Variants in GRID1 observed in about 807,000 individuals in gnomAD.
The protein encoded by GRID1 is glutamate ionotropic receptor delta type subunit 1, also known as glutamate receptor ionotropic, delta-1.
A neutral mutation model predicts 98.0 loss-of-function variants in GRID1; 28 were observed. The observed-to-expected ratio is 0.29, with a 90% CI of 0.21 to 0.39. The LOEUF (loss-of-function observed/expected upper bound fraction) is 0.39, where lower values mean the gene tolerates loss of function less well. Ranked by LOEUF, GRID1 falls within the 10% of genes least tolerant of loss-of-function variation. The pLI is 1.00. For synonymous variants in GRID1, 553 were observed against 538.5 expected (o/e 1.03, Z -0.37); for missense variants, 1,111 against 1,340.5 (o/e 0.83, Z 2.67).
chr10:86,233,749 C>A (rs933351850), intron 2 of GRID1, among the ~76,000 whole-genome samples: 3 of 152,096 alleles, frequency 2.0e-5, no homozygotes, highest in African/African-American at 7.2e-5. Context: ...ATCTCAGACA[C>A]CCAACCCCTG....
At chr10:85,929,101 G>A (rs933090887) in intron 4 of GRID1, among the ~76,000 whole-genome samples, 1 of 152,192 alleles carries the variant, frequency 6.6e-6, no homozygotes, top group Non-Finnish European at 1.5e-5. Context: ...ATAGTTTGAG[G>A]AATCCAGTGG....
chr10:86,118,064 C>T (rs757892157), intron 4 of GRID1, among the ~76,000 whole-genome samples: 7 of 152,070 alleles, frequency 4.6e-5, no homozygotes, highest in Non-Finnish European at 1.0e-4. Context: ...AAATGCCCAG[C>T]AATCAACAAG....
At chr10:85,798,977 AG>A (rs1204095034) in intron 8 of GRID1, among the ~76,000 whole-genome samples, 1 of 152,020 alleles carries the variant, frequency 6.6e-6, no homozygotes, top group Non-Finnish European at 1.5e-5. Context: ...GTAGTTTCAT[AG>A]TTTGGGGGTC....
rs112458922 is a variant in GRID1, at chr10:85,695,355, T to C, written c.1997+27648A>G. On this transcript the variant is annotated intron_variant, in intron 12 of 15. Coordinates refer to ENST00000327946, the MANE Select transcript of GRID1 (RefSeq NM_017551.3). ...GGGTATGCACCCATCATGGGAGTTA[T>C]ACAACTTGCTTGCCCCTTTGGAACC... 2.9e-3 allele frequency among the ~76,000 whole-genome samples: 443 copies of C among 152,316 alleles called. 4 individuals carry two copies. Among genetic ancestry groups the C allele is most frequent in the African/African-American group, 9.8e-3 (407 of 41,588 alleles).
At chr10:86,120,530 A>G (rs1844649960) in intron 4 of GRID1, among the ~76,000 whole-genome samples, 1 of 152,202 alleles carries the variant, frequency 6.6e-6, no homozygotes, top group Non-Finnish European at 1.5e-5. Context: ...TGATGAGTAA[A>G]TGACTTTGGA....
chr10:86,326,122 C>T (rs574916811), intron 2 of GRID1, among the ~76,000 whole-genome samples: 41 of 152,294 alleles, frequency 2.7e-4, no homozygotes, highest in Non-Finnish European at 4.0e-4. Flanking sequence ...TAAAAGAAAG[C>T]TCATTTGTAT....
intron 3 of GRID1, among the ~76,000 whole-genome samples, chr10:86,181,671 GAC>G (rs1295096026): frequency 1.3e-5 from 2 of 152,166 alleles, no homozygotes; most frequent in Non-Finnish European, 2.9e-5. Flanking sequence ...CAGAAACACA[GAC>G]ACACACATAC....
At chr10:85,910,585 A>C (rs1174802565) in intron 5 of GRID1, among the ~76,000 whole-genome samples, 1 of 152,188 alleles carries the variant, frequency 6.6e-6, no homozygotes, top group Non-Finnish European at 1.5e-5. Context: ...CCTGAGACTC[A>C]AAAACAGGAG....
chr10:86,292,457 A>G (rs1400913349), intron 2 of GRID1, among the ~76,000 whole-genome samples: 1 of 152,256 alleles, frequency 6.6e-6, no homozygotes, highest in Non-Finnish European at 1.5e-5. Context: ...CTCAGTTCTC[A>G]GGAAGAGCAG....
chr10:86,135,778 G>A (rs1844915416), intron 4 of GRID1, among the ~76,000 whole-genome samples: 1 of 152,214 alleles, frequency 6.6e-6, no homozygotes, highest in South Asian at 2.1e-4. Flanking sequence ...GGTGCCATGT[G>A]CCCCCAGGCC....
intron 4 of GRID1, among the ~76,000 whole-genome samples, chr10:85,965,906 A>T (rs1457268367): frequency 6.6e-6 from 1 of 152,174 alleles, no homozygotes; most frequent in Non-Finnish European, 1.5e-5. Flanking sequence ...ATGGTACTTT[A>T]ACTAGATCTA....
At chr10:85,759,308 T>C (rs1842125918) in intron 8 of GRID1, among the ~76,000 whole-genome samples, 3 of 152,182 alleles carry the variant, frequency 2.0e-5, no homozygotes, top group Admixed American at 2.0e-4. Flanking sequence ...ACATTTACTG[T>C]TGGATTCTGG....
intron 3 of GRID1, among the ~76,000 whole-genome samples, chr10:86,160,012 C>T (rs144478127): frequency 3.3e-5 from 5 of 152,252 alleles, no homozygotes; most frequent in Non-Finnish European, 7.4e-5. Context: ...CCACCATCAT[C>T]ATAACCATCA....
At chr10:86,002,681 A>G (rs1842815566) in intron 4 of GRID1, among the ~76,000 whole-genome samples, 2 of 152,234 alleles carry the variant, frequency 1.3e-5, no homozygotes, top group Admixed American at 1.3e-4. Context: ...TATTTTGTTT[A>G]AAGGGACTGT....
At chr10:85,740,952 C>T (rs996703405) in intron 8 of GRID1, among the ~76,000 whole-genome samples, 2 of 152,038 alleles carry the variant, frequency 1.3e-5, no homozygotes, top group African/African-American at 4.8e-5. Context: ...CTGCGTTTCA[C>T]CATGTTAACC....
rs562725822 is a variant in GRID1 at position 86,149,800 on chromosome 10, AGTATTTG to A, written c.521-10783_521-10777del. ...CAACTTCTGTTCCAAGTTGGGTTCC[AGTATTTG>A]GATAAAATTCCGCGGTGTTTATCTG... On this transcript the variant is annotated intron_variant, in intron 3 of 15. Coordinates refer to ENST00000327946, the MANE Select transcript of GRID1 (RefSeq NM_017551.3). 1.9e-3 allele frequency among the ~76,000 whole-genome samples: 294 copies of A among 152,304 alleles called. 1 individual carries two copies. Among genetic ancestry groups the A allele is most frequent in the Middle Eastern group, 6.8e-3 (2 of 294 alleles).
rs1301305733 is a variant in GRID1, at chr10:86,311,634, C to A, written c.235+52307G>T. Among the ~76,000 whole-genome samples, 3 of 152,054 alleles carry A rather than the reference C, an allele frequency of 2.0e-5. No homozygotes were observed. In the East Asian group the frequency reaches 5.8e-4, roughly 29 times the overall value. ...AAAATGCACTGCTGCCTTTCTTTTT[C>A]TCTTGCTCTCTCTCTCTCCCTCTGC... On this transcript the variant is annotated intron_variant, in intron 2 of 15. Transcript: ENST00000327946.
intron 2 of GRID1, among the ~76,000 whole-genome samples, chr10:86,267,725 C>T (rs1847126025): frequency 6.6e-6 from 1 of 152,186 alleles, no homozygotes; most frequent in South Asian, 2.1e-4. Flanking sequence ...TGAAGAAAGC[C>T]TTACTCCTGG....
At chr10:85,942,713 A>G (rs1487089980) in intron 4 of GRID1, among the ~76,000 whole-genome samples, 2 of 152,234 alleles carry the variant, frequency 1.3e-5, no homozygotes, top group Non-Finnish European at 2.9e-5. Context: ...ATAGATTACA[A>G]AAGTCTATTT....
Sources: gnomAD v4.1 joint callset for allele counts (sites outside exome capture counted in the v4.1 genomes callset) on GRCh38, gnomAD v4.1.1 for gene constraint, MANE v1.5 for transcripts, NCBI Gene and HGNC (gene_info 2026-07-23, HGNC 2026-07-21) for gene names.